The following SLC30A9 variants were observed in gnomAD, a reference collection of about 807,000 sequenced individuals.
SLC30A9 encodes solute carrier family 30 member 9.
Under a neutral mutation model 87.5 loss-of-function variants are expected in SLC30A9, and 58 were observed. That is an observed-to-expected ratio of 0.66 (90% confidence interval 0.54 to 0.82). SLC30A9 has a LOEUF of 0.82. Ranked by LOEUF, SLC30A9 falls within the 40% of genes least tolerant of loss-of-function variation. The probability of loss-of-function intolerance (pLI) is 0.00; values close to 1 mark genes in which losing one functional copy is unlikely to be tolerated. For synonymous variants in SLC30A9, 234 were observed against 233.0 expected (o/e 1.00, Z -0.04); for missense variants, 557 against 679.1 (o/e 0.82, Z 2.00).
Position 42,088,817 on chromosome 4 carries a change from T to C in SLC30A9, c.*2691T>C, listed in dbSNP as rs1719011173. On this transcript the variant is annotated 3_prime_UTR_variant, in exon 18 of 18. Transcript: ENST00000264451. ...GACAAAGATCCAAAGCATATCAGCATCTGTAGTCACAGCTACTTGGGAGGC... is the reference window on the plus strand; with the variant it reads ...GACAAAGATCCAAAGCATATCAGCACCTGTAGTCACAGCTACTTGGGAGGC... 1 of 151,970 alleles carries C rather than the reference T, an allele frequency of 6.6e-6. No homozygotes were observed. The highest frequency in any genetic ancestry group is 6.6e-5 in the Admixed American group (1 of 15,258). The allele number at this position is 151,970 out of a possible 1,614,324, so 9.4% of individuals were successfully genotyped here. A position where few individuals can be genotyped will look rare whatever the true frequency, so the allele number is the denominator to read the frequency against.
intron 17 of SLC30A9, among the ~76,000 whole-genome samples, chr4:42,082,497 A>G (rs1718777652): frequency 1.3e-5 from 2 of 152,212 alleles, no homozygotes. Flanking sequence ...CAGTGGAGTC[A>G]TCTCTGTTGA....
intron 6 of SLC30A9, among the ~76,000 whole-genome samples, chr4:42,032,179 A>AT (rs1342583847): frequency 2.6e-5 from 4 of 152,116 alleles, no homozygotes; most frequent in African/African-American, 7.2e-5. Flanking sequence ...TTGCTAAATC[A>AT]TTCATGAGAA....
chr4:42,065,400 T>A, intron 12 of SLC30A9, 51 bp downstream of exon 12: 2 of 961,406 alleles, frequency 2.1e-6, no homozygotes, highest in Non-Finnish European at 3.3e-6. Flanking sequence ...TAATATATAT[T>A]CAGCTGTCCA....
Position 42,063,062 on chromosome 4 carries a change from TC to T in SLC30A9, c.974del (p.Ser325PhefsTer15). ...VGIFMMGAGL[S>X]WYHGVMGLLH... The stretch of plus-strand genomic sequence containing the variant: ...TATTTTCATGATGGGTGCAGGACTA[TC>T]TTGGTACCATGGAGTCATGGGATTG... On this transcript the variant is annotated frameshift_variant, in exon 11 of 18. Coordinates refer to ENST00000264451, the MANE Select transcript of SLC30A9 (RefSeq NM_006345.4). LOFTEE classifies it high-confidence loss of function. The T allele has an allele frequency of 6.2e-7, 1 of 1,613,626 alleles. No individual in the cohort carries two copies. Among genetic ancestry groups the T allele is most frequent in the Non-Finnish European group, 8.5e-7 (1 of 1,179,554 alleles).
At chr4:42,040,215 G>A (rs1415526181) in intron 8 of SLC30A9, among the ~76,000 whole-genome samples, 1 of 152,162 alleles carries the variant, frequency 6.6e-6, no homozygotes, top group East Asian at 1.9e-4. Context: ...CTGGTGGTAT[G>A]TTTAGGGCAC....
Position 41,990,712 on chromosome 4 carries a change from C to G in SLC30A9, c.61C>G (p.Leu21Val). The G allele has an allele frequency of 6.2e-7, 1 of 1,612,186 alleles. No homozygotes were observed. Among genetic ancestry groups the G allele is most frequent in the Non-Finnish European group, 8.5e-7 (1 of 1,179,444 alleles). The change falls in exon 1 of 18, where the codon CTC becomes GTC. Residue 21 changes from leucine (L) to valine (V), a missense_variant. Around this residue, in one of 2 missense-constraint regions of SLC30A9, gnomAD observed 467 missense variants for 529.8 expected, o/e 0.88. Transcript: ENST00000264451. Reference protein sequence around the residue: ...HRCSWSSLCRLRLRCRAAACN... With the variant: ...HRCSWSSLCRVRLRCRAAACN... ...ATGTAGCTGGTCCTCCCTGTGCCGG[C>G]TCCGTCTGCGATGCAGGGCGGCGGC...
chr4:42,058,747 G>C (rs1717729272), intron 9 of SLC30A9, among the ~76,000 whole-genome samples: 1 of 152,162 alleles, frequency 6.6e-6, no homozygotes, highest in Admixed American at 6.5e-5. Flanking sequence ...AAAACAATCA[G>C]ATCTCATAAG....
At chr4:42,072,129 C>T (rs1447560787) in intron 15 of SLC30A9, among the ~76,000 whole-genome samples, 1 of 152,060 alleles carries the variant, frequency 6.6e-6, no homozygotes, top group Non-Finnish European at 1.5e-5. Flanking sequence ...ACAAATGTCT[C>T]ATCTTTCATT....
chr4:41,996,156 G>A (rs1045188412), intron 1 of SLC30A9, among the ~76,000 whole-genome samples: 1 of 152,008 alleles, frequency 6.6e-6, no homozygotes, highest in African/African-American at 2.4e-5. Flanking sequence ...AAATGCAATG[G>A]TGGATCTCGG....
chr4:42,082,797 G>A (rs554189951), intron 17 of SLC30A9, among the ~76,000 whole-genome samples: 13 of 150,402 alleles, frequency 8.6e-5, no homozygotes, highest in Admixed American at 6.0e-4. Flanking sequence ...GCAGTGAGCC[G>A]AGATTGTGCC....
intron 16 of SLC30A9, among the ~76,000 whole-genome samples, 176 bp downstream of exon 16, chr4:42,075,962 A>G (rs1194393933): frequency 6.6e-6 from 1 of 152,216 alleles, no homozygotes; most frequent in African/African-American, 2.4e-5. Context: ...GGAGACAGCA[A>G]AAGAACAAAC....
intron 15 of SLC30A9, among the ~76,000 whole-genome samples, chr4:42,072,570 T>A (rs376497272): frequency 1.2e-4 from 18 of 152,262 alleles, no homozygotes; most frequent in East Asian, 5.8e-4. Flanking sequence ...TTTCTTTCCA[T>A]TATTGATTTA....
intron 7 of SLC30A9, among the ~76,000 whole-genome samples, chr4:42,038,697 A>G (rs1161163683): frequency 6.6e-6 from 1 of 152,152 alleles, no homozygotes; most frequent in African/African-American, 2.4e-5. Context: ...AGCACAGTGC[A>G]TTTTTCTACT....
intron 13 of SLC30A9, 24 bp downstream of exon 13, chr4:42,066,645 T>C: frequency 6.6e-7 from 1 of 1,522,670 alleles, no homozygotes; most frequent in Non-Finnish European, 9.1e-7. Flanking sequence ...AAACCAAGTG[T>C]TTGTTTCACC....
intron 17 of SLC30A9, among the ~76,000 whole-genome samples, chr4:42,079,700 C>G (rs1293191639): frequency 2.0e-5 from 3 of 151,920 alleles, no homozygotes; most frequent in Non-Finnish European, 4.4e-5. Context: ...CTCCGCCTTC[C>G]AGGTTCAAGG....
Position 42,089,041 on chromosome 4 carries a change from T to G in SLC30A9, c.*2915T>G, listed in dbSNP as rs1333915149. The G allele has an allele frequency of 6.6e-6, 1 of 151,492 alleles. No homozygotes were observed. The highest frequency in any genetic ancestry group is 1.5e-5 in the Non-Finnish European group (1 of 67,844). The allele number at this position is 151,492 out of a possible 1,614,324, so 9.4% of individuals were successfully genotyped here. On this transcript the variant is annotated 3_prime_UTR_variant, in exon 18 of 18. Transcript: ENST00000264451. The stretch of plus-strand genomic sequence containing the variant: ...AATGTTTCTTACTTTGTATCTACTT[T>G]GGCATATAGCATTTGAGTATTAAAG...
chr4:42,028,267 G>A (rs543973976), intron 6 of SLC30A9, among the ~76,000 whole-genome samples: 1 of 152,246 alleles, frequency 6.6e-6, no homozygotes, highest in Non-Finnish European at 1.5e-5. Flanking sequence ...ACAGGTGCGT[G>A]CTACCATGCC....
At chr4:42,022,995 T>C (rs1716038498) in intron 5 of SLC30A9, 65 bp downstream of exon 5, 2 of 909,346 alleles carry the variant, frequency 2.2e-6, no homozygotes, top group Non-Finnish European at 3.4e-6. Context: ...AAATACATTT[T>C]AGACAGAGTC....
rs1044107618 is a variant in SLC30A9, at chr4:42,042,811, C to T, written c.737+3758C>T. Among the ~76,000 whole-genome samples the T allele has an allele frequency of 5.9e-5, 9 of 152,308 alleles. 1 individual carries two copies. The highest frequency in any genetic ancestry group is 2.2e-4 in the African/African-American group (9 of 41,572). On this transcript the variant is annotated intron_variant, in intron 8 of 17. Transcript: ENST00000264451. ...ACCTCCCAGCAGGGATCAACAGACA[C>T]CTCATACAGGAGAGCTCCAGCTGAC...
Sources: allele counts gnomAD v4.1 joint callset (sites outside exome capture counted in the v4.1 genomes callset), GRCh38; gene constraint gnomAD v4.1.1; regional missense constraint gnomAD v4.1.1; transcripts MANE v1.5; gene names NCBI Gene and HGNC (gene_info 2026-07-23, HGNC 2026-07-21).